CCSER1: variants seen among roughly 807,000 people sequenced by gnomAD.
CCSER1 encodes serine-rich coiled-coil domain-containing protein 1.
CCSER1 carries 41 observed loss-of-function variants against 82.0 expected under a neutral mutation model. The observed-to-expected ratio is 0.50, with a 90% confidence interval of 0.39 to 0.65. The LOEUF (loss-of-function observed/expected upper bound fraction) is 0.65. Ranked by LOEUF, CCSER1 falls within the 30% of genes least tolerant of loss-of-function variation. The pLI is 0.00. For missense variants in CCSER1, 1,119 were observed against 1,064.2 expected, an observed-to-expected ratio of 1.05 and a Z score of -0.72; for synonymous variants, 414 against 383.9, an observed-to-expected ratio of 1.08 and a Z score of -0.92.
chr4:90,619,073 T>A (rs1320794025), intron 5 of CCSER1, among the ~76,000 whole-genome samples: 8 of 151,884 alleles, frequency 5.3e-5, no homozygotes, highest in Non-Finnish European at 8.8e-5. Flanking sequence ...GAATATTTAA[T>A]ATAGTAAAAA....
At chr4:91,322,939 T>C (rs1042527297) in intron 10 of CCSER1, among the ~76,000 whole-genome samples, 5 of 152,192 alleles carry the variant, frequency 3.3e-5, no homozygotes, top group African/African-American at 1.2e-4. Context: ...AGTCTTTCAG[T>C]CTGATATCAG....
intron 6 of CCSER1, among the ~76,000 whole-genome samples, chr4:90,707,365 C>T (rs1341064630): frequency 1.3e-5 from 2 of 151,872 alleles, no homozygotes; most frequent in African/African-American, 2.4e-5. Context: ...AATTACTGGA[C>T]TTTACACTTC....
chr4:90,357,379 C>T (rs1744563538), intron 3 of CCSER1, among the ~76,000 whole-genome samples: 1 of 151,734 alleles, frequency 6.6e-6, no homozygotes, highest in Non-Finnish European at 1.5e-5. Context: ...CTTGATTTCC[C>T]GTGTAATGGT....
chr4:91,150,842 C>G (rs763612059), intron 10 of CCSER1, among the ~76,000 whole-genome samples: 3 of 152,114 alleles, frequency 2.0e-5, no homozygotes, highest in Non-Finnish European at 2.9e-5. Flanking sequence ...GGTGGATAAG[C>G]TTTTTGATGT....
At chr4:91,566,795 A>G (rs1376865864) in intron 10 of CCSER1, among the ~76,000 whole-genome samples, 2 of 151,852 alleles carry the variant, frequency 1.3e-5, no homozygotes, top group Non-Finnish European at 2.9e-5. Flanking sequence ...CTTTATTAGT[A>G]TAGCTAGTAA....
intron 5 of CCSER1, among the ~76,000 whole-genome samples, chr4:90,598,943 A>G (rs546401711): frequency 1.6e-4 from 24 of 152,276 alleles, no homozygotes; most frequent in Admixed American, 1.4e-3. Flanking sequence ...GGGATGAAGG[A>G]ATGCAGTGGC....
chr4:90,482,432 C>T (rs911580945), intron 5 of CCSER1, among the ~76,000 whole-genome samples: 10 of 151,984 alleles, frequency 6.6e-5, no homozygotes, highest in African/African-American at 2.4e-4. Flanking sequence ...TGTGTTTGCT[C>T]TTGCTTCTCT....
At chr4:90,256,430 A>AAACT (rs1249410154) in intron 1 of CCSER1, among the ~76,000 whole-genome samples, 1 of 152,140 alleles carries the variant, frequency 6.6e-6, no homozygotes, top group Non-Finnish European at 1.5e-5. Context: ...CAAATCGGAG[A>AAACT]AACTAACTGT....
At chr4:91,168,416 G>C in intron 10 of CCSER1, among the ~76,000 whole-genome samples, 1 of 149,134 alleles carries the variant, frequency 6.7e-6, no homozygotes, top group Non-Finnish European at 1.5e-5. Flanking sequence ...CGTCTGGGAA[G>C]TGGGGAGTGC....
chr4:91,133,083 G>T (rs1728142810), intron 10 of CCSER1, among the ~76,000 whole-genome samples: 1 of 152,110 alleles, frequency 6.6e-6, no homozygotes, highest in South Asian at 2.1e-4. Flanking sequence ...GAAGAGTCTT[G>T]AACGTTGTTT....
At chr4:90,360,745 C>G (rs761264710) in intron 3 of CCSER1, among the ~76,000 whole-genome samples, 14 of 152,092 alleles carry the variant, frequency 9.2e-5, no homozygotes, top group Non-Finnish European at 1.5e-4. Flanking sequence ...ATCCATTGGC[C>G]TAGCTGATCA....
intron 5 of CCSER1, among the ~76,000 whole-genome samples, chr4:90,492,718 G>A (rs1353194457): frequency 1.3e-5 from 2 of 152,102 alleles, no homozygotes; most frequent in African/African-American, 2.4e-5. Flanking sequence ...GATATGTTGA[G>A]TCTTTGTTCT....
At chr4:90,749,684 T>C (rs1748229127) in intron 7 of CCSER1, among the ~76,000 whole-genome samples, 1 of 152,160 alleles carries the variant, frequency 6.6e-6, no homozygotes, top group African/African-American at 2.4e-5. Context: ...GTTAATCCAG[T>C]CTATCATTGT....
At chr4:90,294,171 GA>G (rs1485409525) in intron 1 of CCSER1, among the ~76,000 whole-genome samples, 3 of 152,100 alleles carry the variant, frequency 2.0e-5, no homozygotes, top group Non-Finnish European at 2.9e-5. Flanking sequence ...CACTTGGATT[GA>G]AAATCTATAT....
chr4:90,937,962 T>A (rs1248765744), intron 9 of CCSER1, among the ~76,000 whole-genome samples: 1 of 152,168 alleles, frequency 6.6e-6, no homozygotes. Context: ...GTAGTATGGC[T>A]CATCCTTTCA....
At chr4:91,473,775 G>A (rs1757413885) in intron 10 of CCSER1, among the ~76,000 whole-genome samples, 1 of 151,830 alleles carries the variant, frequency 6.6e-6, no homozygotes, top group African/African-American at 2.4e-5. Flanking sequence ...AGAAACTATG[G>A]GCCTGTTATC....
chr4:91,427,914 C>T (rs1389827261), intron 10 of CCSER1, among the ~76,000 whole-genome samples: 1 of 61,038 alleles, frequency 1.6e-5, no homozygotes, highest in Non-Finnish European at 4.1e-5. Flanking sequence ...ATATAAATAC[C>T]ATGCTTAGTC....
chr4:90,486,879 T>C (rs148719217), intron 5 of CCSER1, among the ~76,000 whole-genome samples: 7 of 152,344 alleles, frequency 4.6e-5, no homozygotes, highest in African/African-American at 1.4e-4. Flanking sequence ...TACTAGACTT[T>C]ATGCTAGCTA....
chr4:90,938,353 G>T (rs1418120780), intron 9 of CCSER1, among the ~76,000 whole-genome samples: 1 of 151,768 alleles, frequency 6.6e-6, no homozygotes, highest in African/African-American at 2.4e-5. Flanking sequence ...AATACATAAA[G>T]AAAAAAAGTT....
Sources: gnomAD v4.1 joint callset for allele counts (sites outside exome capture counted in the v4.1 genomes callset) on GRCh38, gnomAD v4.1.1 for gene constraint, MANE v1.5 for transcripts, NCBI Gene and HGNC (gene_info 2026-07-23, HGNC 2026-07-21) for gene names.